Variants in SLC8A1 observed in about 807,000 individuals in gnomAD.
SLC8A1 encodes sodium/calcium exchanger 1.
SLC8A1 carries 18 observed loss-of-function variants against 68.3 expected under a neutral mutation model. That is an observed-to-expected ratio of 0.26 (90% CI 0.18 to 0.39). The LOEUF (loss-of-function observed/expected upper bound fraction) is 0.39. Ranked by LOEUF, SLC8A1 falls within the 10% of genes least tolerant of loss-of-function variation. The pLI, the probability that SLC8A1 is intolerant of heterozygous loss-of-function variation, is 1.00. For synonymous variants in SLC8A1, 475 were observed against 415.5 expected, an observed-to-expected ratio of 1.14 and a Z score of -1.74; for missense variants, 985 against 1,156.7, an observed-to-expected ratio of 0.85 and a Z score of 2.15.
At chr2:40,500,040 G>T (rs1017024290) in intron 1 of SLC8A1, among the ~76,000 whole-genome samples, 2 of 151,976 alleles carry the variant, frequency 1.3e-5, no homozygotes, top group African/African-American at 4.8e-5. Context: ...GTGTGTTGTT[G>T]TTTCTAGACT....
At chr2:40,231,556 T>A (rs1311916167) in intron 2 of SLC8A1, among the ~76,000 whole-genome samples, 1 of 152,168 alleles carries the variant, frequency 6.6e-6, no homozygotes, top group East Asian at 1.9e-4. Context: ...CAGAACTCAC[T>A]TCAAATGGGT....
chr2:40,222,033 T>C (rs908494390), intron 2 of SLC8A1, among the ~76,000 whole-genome samples: 1 of 152,126 alleles, frequency 6.6e-6, no homozygotes, highest in Non-Finnish European at 1.5e-5. Flanking sequence ...AAATTTCATA[T>C]GGAACTAAAA....
At chr2:40,421,341 A>T (rs1224646236) in intron 2 of SLC8A1, among the ~76,000 whole-genome samples, 1 of 152,164 alleles carries the variant, frequency 6.6e-6, no homozygotes, top group Non-Finnish European at 1.5e-5. Flanking sequence ...GGTAGGGGAC[A>T]GAGAGCTCAA....
intron 7 of SLC8A1, among the ~76,000 whole-genome samples, chr2:40,129,764 C>T (rs1409743503): frequency 6.6e-6 from 1 of 152,184 alleles, no homozygotes; most frequent in Non-Finnish European, 1.5e-5. Flanking sequence ...CACACCTGTA[C>T]AGCATGATGT....
chr2:40,343,746 T>C (rs2041764), intron 2 of SLC8A1, among the ~76,000 whole-genome samples: 13 of 151,982 alleles, frequency 8.6e-5, no homozygotes, highest in Non-Finnish European at 1.3e-4. Flanking sequence ...GAGAAAAATA[T>C]GAATGGGAAA....
intron 5 of SLC8A1, among the ~76,000 whole-genome samples, chr2:40,162,952 C>T (rs1458556611): frequency 6.6e-6 from 1 of 152,020 alleles, no homozygotes; most frequent in Admixed American, 6.6e-5. Flanking sequence ...TTTAAAATAC[C>T]TATGTTCTAG....
chr2:40,272,756 TAAAG>T (rs1466030056), intron 2 of SLC8A1, among the ~76,000 whole-genome samples: 3 of 152,198 alleles, frequency 2.0e-5, no homozygotes, highest in Non-Finnish European at 2.9e-5. Context: ...ATGTTTTACT[TAAAG>T]AAGATATGCT....
At chr2:40,174,774 G>T (rs767260783) in intron 4 of SLC8A1, 51 bp downstream of exon 5, 1 of 1,591,286 alleles carries the variant, frequency 6.3e-7, no homozygotes, top group Non-Finnish European at 8.6e-7. Flanking sequence ...ATAACATCTG[G>T]TGAGAACAGA....
chr2:40,126,512 G>T (rs1272914532), intron 7 of SLC8A1, among the ~76,000 whole-genome samples: 1 of 152,124 alleles, frequency 6.6e-6, no homozygotes, highest in Non-Finnish European at 1.5e-5. Context: ...TCATATGAGA[G>T]TATCAAGTGC....
chr2:40,241,161 C>T (rs1031909884), intron 2 of SLC8A1, among the ~76,000 whole-genome samples: 1 of 152,214 alleles, frequency 6.6e-6, no homozygotes, highest in South Asian at 2.1e-4. Context: ...TGGAATATTA[C>T]ACAGCCATAA....
intron 2 of SLC8A1, among the ~76,000 whole-genome samples, chr2:40,321,228 A>C (rs72943131): frequency 6.6e-6 from 1 of 152,156 alleles, no homozygotes; most frequent in African/African-American, 2.4e-5. Context: ...TAATGACTTT[A>C]GCATCTCATG....
intron 2 of SLC8A1, among the ~76,000 whole-genome samples, chr2:40,365,411 C>T (rs745912381): frequency 3.0e-4 from 46 of 152,018 alleles, no homozygotes; most frequent in Non-Finnish European, 4.1e-4. Context: ...TATGTGTTTA[C>T]AATTATCCGA....
Position 40,500,092 on chromosome 2 carries a change from A to G in SLC8A1, c.-25+12257T>C, listed in dbSNP as rs184409518. Among the ~76,000 whole-genome samples the G allele has an allele frequency of 2.4e-3, 363 of 152,206 alleles. 1 individual carries two copies. Among genetic ancestry groups the G allele is most frequent in the African/African-American group, 8.4e-3 (350 of 41,552 alleles). On this transcript the variant is annotated intron_variant, in intron 1 of 7. Transcript: ENST00000402441. ...TGTAACAATTCATCATCTTGTACAC[A>G]TTAAATATATACCATCTTTATTGGC...
chr2:40,166,991 G>T (rs2046653205), intron 4 of SLC8A1, among the ~76,000 whole-genome samples: 1 of 152,094 alleles, frequency 6.6e-6, no homozygotes. Context: ...GCTTTTAATG[G>T]GACTCAAGGC....
chr2:40,444,935 T>C (rs1449287227), intron 1 of SLC8A1, among the ~76,000 whole-genome samples: 1 of 152,200 alleles, frequency 6.6e-6, no homozygotes. Flanking sequence ...TGCGTGTACT[T>C]ATCTTCCTTT....
At chr2:40,329,720 A>G (rs1425235221) in intron 2 of SLC8A1, among the ~76,000 whole-genome samples, 3 of 152,178 alleles carry the variant, frequency 2.0e-5, no homozygotes, top group Admixed American at 2.0e-4. Context: ...CTCCCATCCC[A>G]GGCCCTTGCT....
chr2:40,186,778 T>A (rs2050775969), intron 2 of SLC8A1, among the ~76,000 whole-genome samples: 1 of 152,228 alleles, frequency 6.6e-6, no homozygotes. Context: ...AACATCAATG[T>A]TGTAAATCTA....
chr2:40,253,487 G>C (rs1045447507), intron 2 of SLC8A1, among the ~76,000 whole-genome samples: 2 of 152,040 alleles, frequency 1.3e-5, no homozygotes, highest in South Asian at 2.1e-4. Flanking sequence ...ATATGTGGGA[G>C]ATAAAAAAGT....
chr2:40,463,253 G>A (rs979571040), intron 1 of SLC8A1, among the ~76,000 whole-genome samples: 3 of 152,078 alleles, frequency 2.0e-5, no homozygotes, highest in Admixed American at 6.6e-5. Flanking sequence ...AAGCAGCTTC[G>A]GACACAAAGG....
Sources: allele counts gnomAD v4.1 joint callset (sites outside exome capture counted in the v4.1 genomes callset), GRCh38; gene constraint gnomAD v4.1.1; transcripts MANE v1.5; gene names NCBI Gene and HGNC (gene_info 2026-07-23, HGNC 2026-07-21).